Variants in LOX observed in about 807,000 individuals in gnomAD.
LOX encodes lysyl oxidase.
Under a neutral mutation model 50.5 loss-of-function variants are expected in LOX, and 12 were observed. The ratio of observed to expected loss-of-function variants is 0.24; its 90% CI spans 0.15 to 0.38. The LOEUF is 0.38. Ranked by LOEUF, LOX falls within the 10% of genes least tolerant of loss-of-function variation. The pLI, the probability that LOX is intolerant of heterozygous loss-of-function variation, is 1.00. For synonymous variants in LOX, 254 were observed against 230.6 expected, an observed-to-expected ratio of 1.10 and a Z score of -0.92; for missense variants, 504 against 563.8, an observed-to-expected ratio of 0.89 and a Z score of 1.07.
chr5:122,071,563 A>G (rs1328376617), intron 4 of LOX, among the ~76,000 whole-genome samples: 2 of 152,154 alleles, frequency 1.3e-5, no homozygotes, highest in African/African-American at 4.8e-5. Flanking sequence ...AACAAATACA[A>G]TCCTTGCTTT....
At chr5:122,070,624 G>T (rs747193598) in intron 4 of LOX, 35 bp from the exon 5 acceptor site, 1 of 1,138,314 alleles carries the variant, frequency 8.8e-7, no homozygotes, top group Admixed American at 1.8e-5. Flanking sequence ...TAAAATTATG[G>T]TATGTGGTCA....
chr5:122,075,664 C>A, intron 2 of LOX, 123 bp from the exon 3 acceptor site: 2 of 622,574 alleles, frequency 3.2e-6, no homozygotes, highest in Non-Finnish European at 5.1e-6. Context: ...CTATCAGTTC[C>A]AAGAGTCTAA....
chr5:122,067,053 A>G (rs140789219), intron 6 of LOX, among the ~76,000 whole-genome samples: 1 of 152,246 alleles, frequency 6.6e-6, no homozygotes, highest in East Asian at 1.9e-4. Flanking sequence ...GACCAGGGGA[A>G]TTCATTCCAT....
At position 122,064,141 on chromosome 5, in the gene LOX, A is replaced by C. The variant is rs1754238196; in HGVS notation, c.*2602T>G. ...TTCTGTCTTTTTTAGTGTAAAAGCC[A>C]ATCTCCTGTCAGTACTCAACATTCT... On this transcript the variant is annotated 3_prime_UTR_variant, in exon 7 of 7. Coordinates refer to ENST00000231004, the MANE Select transcript of LOX (RefSeq NM_002317.7). 6.6e-6 allele frequency: 1 copy of C among 151,986 alleles called. No homozygotes were observed. The highest frequency in any genetic ancestry group is 1.9e-4 in the East Asian group (1 of 5,186). 9.4% of individuals were successfully genotyped at this position (151,986 alleles called of 1,614,324 possible). A position where few individuals can be genotyped will look rare whatever the true frequency, so the allele number is the denominator to read the frequency against.
At chr5:122,069,560 A>G (rs944460584) in intron 6 of LOX, among the ~76,000 whole-genome samples, 1 of 152,096 alleles carries the variant, frequency 6.6e-6, no homozygotes, top group African/African-American at 2.4e-5. Context: ...GTATTTTCCT[A>G]GTATCAATGG....
intron 4 of LOX, 38 bp from the exon 5 acceptor site, chr5:122,070,627 T>G: frequency 9.1e-7 from 1 of 1,103,818 alleles, no homozygotes; most frequent in Non-Finnish European, 1.4e-6. Context: ...AATTATGGTA[T>G]GTGGTCAGAC....
At position 122,066,858 on chromosome 5, in the gene LOX, C is replaced by T. The variant is rs541406734; in HGVS notation, c.1248-109G>A. On this transcript the variant is annotated intron_variant, in intron 6 of 6. Coordinates refer to ENST00000231004, the MANE Select transcript of LOX (RefSeq NM_002317.7). ...TTTAAAAACTTTATGCAACAGTTTC[C>T]CTCCACCTAAGCAGCAATCATGTTG... 43 of 698,948 alleles carry T rather than the reference C, an allele frequency of 6.2e-5. No homozygotes were observed. The South Asian group carries it at 6.4e-4, about 10-fold the overall frequency. The allele number at this position is 698,948 out of a possible 1,614,324, so 43.3% of individuals were successfully genotyped here.
rs1754251596 is a variant in LOX, at chr5:122,064,682, A to T, written c.*2061T>A. 2.6e-5 allele frequency: 4 copies of T among 151,964 alleles called. No individual in the cohort carries two copies. In the South Asian group the frequency reaches 8.3e-4, roughly 32 times the overall value. 9.4% of individuals were successfully genotyped at this position (151,964 alleles called of 1,614,324 possible). On this transcript the variant is annotated 3_prime_UTR_variant, in exon 7 of 7. Transcript: ENST00000231004. ...AATAAGATGAACCTTATGGGTAATA[A>T]TGGGATTTTTAATACTTATTGAGGT... is the stretch of plus-strand genomic sequence containing the variant.
chr5:122,074,367 C>T (rs1403397373), intron 3 of LOX, among the ~76,000 whole-genome samples, 198 bp from the exon 4 acceptor site: 6 of 152,088 alleles, frequency 3.9e-5, no homozygotes, highest in Non-Finnish European at 7.4e-5. Context: ...TAAGGTTTAA[C>T]TTTGCTACTA....
chr5:122,065,931 T>C lies in LOX; in HGVS notation c.*812A>G, dbSNP rs1280254603. On this transcript the variant is annotated 3_prime_UTR_variant, in exon 7 of 7. Transcript: ENST00000231004. ...ACTTTCCAGTTTCACGGCTGCCTTA[T>C]GTATACCAGTCCCAAGAATGGTGAT... 1 of 152,070 alleles carries C rather than the reference T, an allele frequency of 6.6e-6. No individual in the cohort carries two copies. The highest frequency in any genetic ancestry group is 1.5e-5 in the Non-Finnish European group (1 of 67,996). 9.4% of individuals were successfully genotyped at this position (152,070 alleles called of 1,614,324 possible).
intron 4 of LOX, among the ~76,000 whole-genome samples, chr5:122,071,347 T>A (rs1431075621): frequency 1.3e-5 from 2 of 152,026 alleles, no homozygotes; most frequent in Admixed American, 6.6e-5. Context: ...GCTAAGCTGG[T>A]TTTGAGTTTA....
At chr5:122,066,935 A>G (rs749260159) in intron 6 of LOX, among the ~76,000 whole-genome samples, 186 bp from the exon 7 acceptor site, 3 of 152,138 alleles carry the variant, frequency 2.0e-5, no homozygotes, top group African/African-American at 4.8e-5. Flanking sequence ...GAAAGTGACT[A>G]TGTCAACAGC....
Position 122,077,175 on chromosome 5 carries a change from G to T in LOX, c.632-174C>A. Reference sequence around the variant, plus strand: ...CGGGACTGCAAAGCAATGTGAAAAGGAAGCAGGAGGGGCCAGACGCGCGGT... The same window carrying T: ...CGGGACTGCAAAGCAATGTGAAAAGTAAGCAGGAGGGGCCAGACGCGCGGT... On this transcript the variant is annotated intron_variant, in intron 1 of 6. Transcript: ENST00000231004. This position sits in a 1 kb window ranked among gnomAD's most constrained non-coding sequence, Gnocchi z 4.9. 4 of 1,463,526 alleles carry T rather than the reference G, an allele frequency of 2.7e-6. No individual in the cohort carries two copies. The South Asian group carries it at 5.7e-5, about 21-fold the overall frequency. The allele number at this position is 1,463,526 out of a possible 1,614,324, so 90.7% of individuals were successfully genotyped here.
chr5:122,070,634 A>T (rs1223773700), intron 4 of LOX, 45 bp from the exon 5 acceptor site: 1 of 987,734 alleles, frequency 1.0e-6, no homozygotes, highest in African/African-American at 1.6e-5. Flanking sequence ...GTATGTGGTC[A>T]GACTATGATA....
intron 4 of LOX, 26 bp from the exon 5 acceptor site, chr5:122,070,615 A>T (rs1327413707): frequency 1.4e-5 from 18 of 1,270,874 alleles, no homozygotes; most frequent in Non-Finnish European, 2.0e-5. Context: ...TAAAAAATTT[A>T]AAATTATGGT....
chr5:122,077,966 A>G lies in LOX; in HGVS notation c.20T>C (p.Val7Ala), dbSNP rs1754693395. ...GAGCTGCAAAGGCCCGAGCAGGAGC[A>G]CGGTCCAGGCGAAGCGCATCACTCC... Reference protein sequence around the residue: MRFAWTVLLLGPLQLCA... With the variant: MRFAWTALLLGPLQLCA... The change falls in exon 1 of 7, where the codon GTG becomes GCG. Residue 7 changes from valine to alanine, a missense_variant. By Grantham distance (64) the Val-to-Ala change is moderately conservative. Around this residue, in one of 2 missense-constraint regions of LOX, gnomAD observed 398 missense variants for 365.8 expected, o/e 1.09. Coordinates refer to ENST00000231004, the MANE Select transcript of LOX (RefSeq NM_002317.7). The surrounding 1 kb of genome is among the most constrained non-coding windows in gnomAD (Gnocchi z 4.9). 6.8e-7 allele frequency: 1 copy of G among 1,472,476 alleles called. No homozygotes were observed. The highest frequency in any genetic ancestry group is 1.5e-5 in the African/African-American group (1 of 67,298). The allele number at this position is 1,472,476 out of a possible 1,614,324, so 91.2% of individuals were successfully genotyped here. A position where few individuals can be genotyped will look rare whatever the true frequency, so the allele number is the denominator to read the frequency against.
At chr5:122,074,488 G>A (rs1222029765) in intron 3 of LOX, among the ~76,000 whole-genome samples, 1 of 152,128 alleles carries the variant, frequency 6.6e-6, no homozygotes, top group Non-Finnish European at 1.5e-5. Context: ...AACTTGCCCT[G>A]TGTTCTCTAG....
rs1471303009 is a variant in LOX at position 122,074,025 on chromosome 5, A to G, written c.1023T>C (p.Thr341=). 2 of 1,613,936 alleles carry G rather than the reference A, an allele frequency of 1.2e-6. No homozygotes were observed. The highest frequency in any genetic ancestry group is 1.3e-5 in the African/African-American group (1 of 75,046). The part of the protein sequence containing the change: ...DYGYHRRFAC[T]AHTQGLSPGC... Reference sequence around the variant, plus strand: ...GGTGCCAACATACCTGTGTGTGTGCAGTACATGCAAATCGCCTGTGGTAGC... The same window carrying G: ...GGTGCCAACATACCTGTGTGTGTGCGGTACATGCAAATCGCCTGTGGTAGC... The change falls in exon 4 of 7, where the codon ACT becomes ACC. Residue 341 remains threonine (T), a synonymous_variant. Coordinates refer to ENST00000231004, the MANE Select transcript of LOX (RefSeq NM_002317.7).
chr5:122,073,415 T>C (rs2152589155), intron 4 of LOX, among the ~76,000 whole-genome samples: 1 of 152,348 alleles, frequency 6.6e-6, no homozygotes, highest in South Asian at 2.1e-4. Context: ...CTGCTCTTAT[T>C]TGCATTATTA....
Sources: allele counts gnomAD v4.1 joint callset (sites outside exome capture counted in the v4.1 genomes callset), GRCh38; gene constraint gnomAD v4.1.1; regional missense constraint gnomAD v4.1.1; non-coding constraint Gnocchi (gnomAD v3.1); transcripts MANE v1.5; gene names NCBI Gene and HGNC (gene_info 2026-07-23, HGNC 2026-07-21).